The following B3GALNT2 variants were observed in gnomAD, a reference collection of about 807,000 sequenced individuals.
B3GALNT2 encodes the protein UDP-GalNAc:beta-1,3-N-acetylgalactosaminyltransferase 2.
B3GALNT2 carries 53 observed loss-of-function variants against 61.1 expected under a neutral mutation model. That is an observed-to-expected ratio of 0.87 (90% CI 0.70 to 1.09). The LOEUF (loss-of-function observed/expected upper bound fraction) is 1.09. B3GALNT2 is among the 50% of genes least tolerant of loss of function. The pLI is 0.00. For missense variants in B3GALNT2, 544 were observed against 623.0 expected (o/e 0.87, Z 1.35); for synonymous variants, 223 against 237.4 (o/e 0.94, Z 0.56).
chr1:235,502,099 G>A (rs1377889911), intron 1 of B3GALNT2, among the ~76,000 whole-genome samples: 1 of 152,108 alleles, frequency 6.6e-6, no homozygotes, highest in Non-Finnish European at 1.5e-5. Context: ...TGCAACCTCC[G>A]CCTCCGAGGT....
At chr1:235,469,220 T>C (rs376188759) in intron 6 of B3GALNT2, among the ~76,000 whole-genome samples, 53 of 152,340 alleles carry the variant, frequency 3.5e-4, no homozygotes, top group African/African-American at 1.3e-3. Context: ...TAACGTAGCA[T>C]ATATTCATTT....
intron 1 of B3GALNT2, among the ~76,000 whole-genome samples, chr1:235,499,714 T>C (rs1046914186): frequency 6.6e-6 from 1 of 152,172 alleles, no homozygotes; most frequent in Non-Finnish European, 1.5e-5. Context: ...GATAGCTATG[T>C]GGAATTAAGA....
chr1:235,475,878 G>A (rs1265970403), intron 5 of B3GALNT2, among the ~76,000 whole-genome samples: 1 of 152,102 alleles, frequency 6.6e-6, no homozygotes, highest in Admixed American at 6.5e-5. Context: ...AATAGGGACT[G>A]GGTTTCATCA....
intron 7 of B3GALNT2, among the ~76,000 whole-genome samples, chr1:235,463,037 A>G (rs1423474524): frequency 6.6e-6 from 1 of 152,232 alleles, no homozygotes; most frequent in African/African-American, 2.4e-5. Flanking sequence ...ACCATGGAGT[A>G]CTACTCAGCC....
At chr1:235,495,859 G>A (rs1416682710) in intron 1 of B3GALNT2, among the ~76,000 whole-genome samples, 1 of 151,988 alleles carries the variant, frequency 6.6e-6, no homozygotes, top group Non-Finnish European at 1.5e-5. Context: ...TGGGATCTAG[G>A]TATTCAGTCT....
intron 1 of B3GALNT2, chr1:235,496,310 T>C (rs1290962056): frequency 2.5e-6 from 2 of 800,250 alleles, no homozygotes; most frequent in Non-Finnish European, 3.2e-6. Context: ...AGACTCCACC[T>C]GAAAAAAAAA....
intron 1 of B3GALNT2, among the ~76,000 whole-genome samples, chr1:235,500,955 A>G (rs995448027): frequency 2.6e-5 from 4 of 152,192 alleles, no homozygotes; most frequent in African/African-American, 7.2e-5. Flanking sequence ...CTGACCTTCT[A>G]CTTGCTCTAC....
intron 4 of B3GALNT2, among the ~76,000 whole-genome samples, chr1:235,483,850 C>T (rs537208281): frequency 2.7e-4 from 41 of 152,292 alleles, no homozygotes; most frequent in African/African-American, 6.7e-4. Flanking sequence ...CCCTACATAT[C>T]GGGAATAGAG....
chr1:235,486,598 C>T (rs1221993557), intron 3 of B3GALNT2, among the ~76,000 whole-genome samples: 1 of 151,876 alleles, frequency 6.6e-6, no homozygotes, highest in Non-Finnish European at 1.5e-5. Context: ...TTTGGATCAT[C>T]GAAAAGATAA....
chr1:235,477,117 T>C (rs1684325855), intron 5 of B3GALNT2, among the ~76,000 whole-genome samples: 1 of 152,094 alleles, frequency 6.6e-6, no homozygotes, highest in Admixed American at 6.6e-5. Flanking sequence ...GTACTTCCCA[T>C]CATTAGTACC....
downstream of B3GALNT2, among the ~76,000 whole-genome samples, chr1:235,446,858 A>AT (rs1016932950): frequency 2.0e-5 from 3 of 151,680 alleles, no homozygotes; most frequent in African/African-American, 2.4e-5. Flanking sequence ...CTAATTTTTT[A>AT]TTTTTTGTAG....
intron 7 of B3GALNT2, among the ~76,000 whole-genome samples, chr1:235,462,448 T>C (rs1683480200): frequency 6.6e-6 from 1 of 152,178 alleles, no homozygotes. Context: ...TGAAATGACC[T>C]TGCATGTAGA....
intron 5 of B3GALNT2, among the ~76,000 whole-genome samples, chr1:235,476,607 T>C (rs1684291772): frequency 6.6e-6 from 1 of 152,094 alleles, no homozygotes; most frequent in Admixed American, 6.6e-5. Flanking sequence ...CTCAGCACTT[T>C]GGGAGGCCAA....
intron 9 of B3GALNT2, among the ~76,000 whole-genome samples, chr1:235,454,881 T>C (rs959815710): frequency 1.1e-4 from 17 of 152,236 alleles, no homozygotes; most frequent in Admixed American, 1.1e-3. Context: ...CCCTGTGTTT[T>C]AGTATATATG....
intron 10 of B3GALNT2, among the ~76,000 whole-genome samples, chr1:235,453,381 C>T (rs1683018392): frequency 2.0e-5 from 3 of 152,086 alleles, no homozygotes. Context: ...CCATCCTTCT[C>T]ATGTACCTTA....
chr1:235,458,809 T>C, intron 7 of B3GALNT2, 23 bp from the exon 8 acceptor site: 1 of 1,547,072 alleles, frequency 6.5e-7, no homozygotes, highest in Non-Finnish European at 8.7e-7. Flanking sequence ...AGTTGAGAGT[T>C]GGAGAAAAAT....
intron 8 of B3GALNT2, among the ~76,000 whole-genome samples, chr1:235,457,497 T>C (rs1324311866): frequency 6.6e-6 from 1 of 152,150 alleles, no homozygotes; most frequent in African/African-American, 2.4e-5. Context: ...TAAGATTATA[T>C]AGATATATAA....
In B3GALNT2 at chr1:235,504,416, C is replaced by T; in HGVS notation, c.-164G>A. 1 of 713,868 alleles carries T rather than the reference C, an allele frequency of 1.4e-6. No homozygotes were observed. The highest frequency in any genetic ancestry group is 2.0e-6 in the Non-Finnish European group (1 of 490,810). The allele number at this position is 713,868 out of a possible 1,614,324, so 44.2% of individuals were successfully genotyped here. A position where few individuals can be genotyped will look rare whatever the true frequency, so the allele number is the denominator to read the frequency against. ...GGGCTCCTCGCAGCTCCCGGCCCCGCTCCTCCGGTCCCTCAGACCGCGGGT... is the reference window on the plus strand; with the variant it reads ...GGGCTCCTCGCAGCTCCCGGCCCCGTTCCTCCGGTCCCTCAGACCGCGGGT... On this transcript the variant is annotated 5_prime_UTR_variant, in exon 1 of 12. Transcript: ENST00000366600.
the B3GALNT2 span, chr1:235,441,748 GTTTGT>G: frequency 4.8e-6 from 7 of 1,458,164 alleles, no homozygotes; most frequent in Non-Finnish European, 6.7e-6. Context: ...TTGTTTGTTT[GTTTGT>G]TTTGTTTTTA....
Sources: allele counts gnomAD v4.1 joint callset (sites outside exome capture counted in the v4.1 genomes callset), GRCh38; gene constraint gnomAD v4.1.1; transcripts MANE v1.5; gene names NCBI Gene and HGNC (gene_info 2026-07-23, HGNC 2026-07-21).